Variants in KLHL22 observed in about 807,000 individuals in gnomAD.
KLHL22 encodes the protein kelch-like protein 22.
KLHL22 carries 18 observed loss-of-function variants against 60.7 expected under a neutral mutation model. The observed-to-expected ratio is 0.30, with a 90% CI of 0.20 to 0.44. The LOEUF (loss-of-function observed/expected upper bound fraction) is 0.44. Among genes scored for constraint, KLHL22 ranks in the 20% least tolerant of loss-of-function variants. The pLI, the probability that KLHL22 is intolerant of heterozygous loss-of-function variation, is 1.00. For synonymous variants in KLHL22, 355 were observed against 354.5 expected (o/e 1.00, Z -0.01); for missense variants, 596 against 852.3 (o/e 0.70, Z 3.74).
At chr22:20,467,350 C>G (rs1420322046) in intron 3 of KLHL22, among the ~76,000 whole-genome samples, 3 of 152,356 alleles carry the variant, frequency 2.0e-5, no homozygotes, top group Non-Finnish European at 2.9e-5. Flanking sequence ...TGTGGGCAAG[C>G]CTGGGTAAAG....
Position 20,487,287 on chromosome 22 carries a change from G to A in KLHL22, c.227+1698C>T, listed in dbSNP as rs1485293326. ...GGCTGGAATGCAGTGGCACAATCTCGGCTCACTGCAACCTCCGCATCCTGT... is the reference window on the plus strand; with the variant it reads ...GGCTGGAATGCAGTGGCACAATCTCAGCTCACTGCAACCTCCGCATCCTGT... On this transcript the variant is annotated intron_variant, in intron 2 of 6. Transcript: ENST00000328879. Among the ~76,000 whole-genome samples the A allele has an allele frequency of 6.6e-5, 10 of 151,230 alleles. No homozygotes were observed. The East Asian group carries it at 1.7e-3, about 26-fold the overall frequency.
rs2053750192 is a variant in KLHL22, at chr22:20,495,218, C to T, written c.-34+542G>A. Among the ~76,000 whole-genome samples, 4 of 152,226 alleles carry T rather than the reference C, an allele frequency of 2.6e-5. No homozygotes were observed. The South Asian group carries it at 8.3e-4, about 31-fold the overall frequency. ...ATCTAAAATGGTCAGAACTGGCAGC[C>T]GACGCTTCGCGCTCTGGTGATTTTG... On this transcript the variant is annotated intron_variant, in intron 1 of 6. Transcript: ENST00000328879. This position sits in a 1 kb window ranked among gnomAD's most constrained non-coding sequence, Gnocchi z 4.6.
At chr22:20,480,685 T>G (rs903440614) in intron 2 of KLHL22, among the ~76,000 whole-genome samples, 4 of 152,164 alleles carry the variant, frequency 2.6e-5, no homozygotes, top group Admixed American at 6.6e-5. Context: ...CCACGGGATC[T>G]GGGTCGGTGC....
At chr22:20,483,570 C>A in intron 2 of KLHL22, 1 of 726,356 alleles carries the variant, frequency 1.4e-6, no homozygotes. Context: ...GTATGTCGCT[C>A]TCCACAGACT....
chr22:20,475,044 C>A (rs1333404902), intron 2 of KLHL22, among the ~76,000 whole-genome samples: 1 of 152,184 alleles, frequency 6.6e-6, no homozygotes, highest in Non-Finnish European at 1.5e-5. Flanking sequence ...TTTCCATTTT[C>A]TTTTCTGAAC....
chr22:20,488,687 G>GGGAGGGGAGGGGAGAGGAGGGGAGT, intron 2 of KLHL22: 1 of 460,546 alleles, frequency 2.2e-6, no homozygotes, highest in Non-Finnish European at 4.0e-6. Context: ...GGTAAGGGAG[G>GGGAGGGGAGGGGAGAGGAGGGGAGT]GGAGGAGAGA....
At chr22:20,466,185 C>G (rs1251975999) in intron 3 of KLHL22, among the ~76,000 whole-genome samples, 2 of 151,908 alleles carry the variant, frequency 1.3e-5, no homozygotes, top group Admixed American at 6.6e-5. Context: ...ACCAGCCTGA[C>G]CAACATGGTG....
chr22:20,492,448 C>T (rs895991213), intron 1 of KLHL22, among the ~76,000 whole-genome samples: 3 of 151,798 alleles, frequency 2.0e-5, no homozygotes, highest in Non-Finnish European at 4.4e-5. Context: ...AAAAGGGATA[C>T]CTGTCATCCC....
chr22:20,468,016 A>G (rs2053261565), intron 3 of KLHL22, among the ~76,000 whole-genome samples: 1 of 152,186 alleles, frequency 6.6e-6, no homozygotes, highest in Non-Finnish European at 1.5e-5. Context: ...TTCAAAAGAC[A>G]TCTAATATTG....
At chr22:20,477,322 C>A in intron 2 of KLHL22, among the ~76,000 whole-genome samples, 1 of 151,720 alleles carries the variant, frequency 6.6e-6, no homozygotes. Context: ...ACCTGGGAGG[C>A]GGAGGTTGCA....
intron 5 of KLHL22, among the ~76,000 whole-genome samples, chr22:20,452,287 T>C (rs2052992440): frequency 6.6e-6 from 1 of 151,880 alleles, no homozygotes; most frequent in Non-Finnish European, 1.5e-5. Flanking sequence ...ACAAATACAT[T>C]TTCTAATCTA....
intron 5 of KLHL22, chr22:20,450,933 G>A: frequency 2.5e-6 from 4 of 1,612,326 alleles, no homozygotes; most frequent in Non-Finnish European, 3.4e-6. Flanking sequence ...AGGGACCCAG[G>A]ACAAGGGCTC....
rs568890453 is a variant in KLHL22 at position 20,464,223 on chromosome 22, A to G, written c.1112+635T>C. 1.4e-4 allele frequency among the ~76,000 whole-genome samples: 22 copies of G among 152,312 alleles called. 2 individuals are homozygous for G. The highest frequency in any genetic ancestry group is 5.3e-4 in the African/African-American group (22 of 41,568). ...GCAGTCCACAAAACTCTCTCTTGGGAAAACTGCCTCTTCCCAGGGGAAATT... is the reference window on the plus strand; with the variant it reads ...GCAGTCCACAAAACTCTCTCTTGGGGAAACTGCCTCTTCCCAGGGGAAATT... On this transcript the variant is annotated intron_variant, in intron 4 of 6. Coordinates refer to ENST00000328879, the MANE Select transcript of KLHL22 (RefSeq NM_032775.4).
intron 5 of KLHL22, among the ~76,000 whole-genome samples, chr22:20,452,825 T>C (rs1234692174): frequency 6.6e-6 from 1 of 152,226 alleles, no homozygotes; most frequent in Non-Finnish European, 1.5e-5. Context: ...AGTAGCCTAG[T>C]AGTTCAGCTA....
At chr22:20,458,031 T>C (rs563448565) in intron 4 of KLHL22, 31 bp from the exon 5 acceptor site, 1 of 1,610,328 alleles carries the variant, frequency 6.2e-7, no homozygotes, top group East Asian at 2.2e-5. Flanking sequence ...AGCACAGCAC[T>C]GACTAGGCAG....
intron 2 of KLHL22, among the ~76,000 whole-genome samples, chr22:20,481,500 T>C (rs1344310742): frequency 6.6e-6 from 1 of 151,976 alleles, no homozygotes; most frequent in Non-Finnish European, 1.5e-5. Context: ...TTGAACCTGG[T>C]AGGCGGAGGT....
intron 3 of KLHL22, among the ~76,000 whole-genome samples, chr22:20,470,668 ATGGATGGATGGG>A (rs1340563264): frequency 8.0e-4 from 120 of 149,824 alleles, no homozygotes; most frequent in African/African-American, 2.8e-3. Flanking sequence ...GAATGAGTGG[ATGGATGGATGGG>A]TGGATGGATG....
intron 2 of KLHL22, among the ~76,000 whole-genome samples, chr22:20,476,745 G>A (rs1183537607): frequency 5.9e-5 from 8 of 136,288 alleles, no homozygotes; most frequent in African/African-American, 2.3e-4. Context: ...TCTCGCTCTT[G>A]TTGCCCAGGC....
chr22:20,450,962 T>C, intron 5 of KLHL22: 1 of 1,603,296 alleles, frequency 6.2e-7, no homozygotes, highest in Non-Finnish European at 8.5e-7. Flanking sequence ...GCCAATGAAG[T>C]GCTTTTGGTG....
Sources: gnomAD v4.1 joint callset for allele counts (sites outside exome capture counted in the v4.1 genomes callset) on GRCh38, gnomAD v4.1.1 for gene constraint, Gnocchi (gnomAD v3.1) non-coding constraint, MANE v1.5 for transcripts, NCBI Gene and HGNC (gene_info 2026-07-23, HGNC 2026-07-21) for gene names.